GSDMD: variants seen among roughly 807,000 people sequenced by gnomAD.
The protein encoded by GSDMD is gasdermin-D.
In GSDMD, 46 loss-of-function variants were observed where a neutral mutation model predicts 46.7. That is an observed-to-expected ratio of 0.99 (90% CI 0.78 to 1.26). GSDMD has a LOEUF of 1.26. Ranked by LOEUF, GSDMD falls within the 50% of genes most tolerant of loss-of-function variation. The pLI is 0.00. For synonymous variants in GSDMD, 307 were observed against 283.1 expected (o/e 1.08, Z -0.85); for missense variants, 649 against 638.8 (o/e 1.02, Z -0.17).
At chr8:143,557,210 G>C (rs1346614196), upstream of GSDMD, among the ~76,000 whole-genome samples, 11 of 152,402 alleles carry the variant, frequency 7.2e-5, no homozygotes, top group Admixed American at 2.6e-4. Flanking sequence ...GCCGTTCTAC[G>C]GCCTGGATTC....
chr8:143,558,527 G>A, intron 1 of GSDMD, 76 bp downstream of exon 1: 8 of 1,312,438 alleles, frequency 6.1e-6, no homozygotes, highest in Non-Finnish European at 7.9e-6. Context: ...CCCGGGTGGG[G>A]GATGCTGGCC....
chr8:143,560,949 C>T (rs1246473339), intron 4 of GSDMD, 53 bp from the exon 5 acceptor site: 2 of 1,569,736 alleles, frequency 1.3e-6, no homozygotes, highest in South Asian at 2.2e-5. Context: ...CCCGCACCCG[C>T]ACCCCACGGC....
chr8:143,554,672 AAACACGCTC>A (rs937179973), upstream of GSDMD, among the ~76,000 whole-genome samples: 2 of 148,030 alleles, frequency 1.4e-5, no homozygotes, highest in Non-Finnish European at 3.0e-5. Flanking sequence ...ACACGTGCAC[AAACACGCTC>A]AACACGCACG....
At chr8:143,556,656 G>A (rs759302010), upstream of GSDMD, among the ~76,000 whole-genome samples, 16 of 151,952 alleles carry the variant, frequency 1.1e-4, no homozygotes, top group Admixed American at 2.6e-4. Context: ...GAGTGGGGCC[G>A]AAGCCCAAGT....
chr8:143,555,640 C>T (rs373372626), upstream of GSDMD, among the ~76,000 whole-genome samples: 2 of 152,322 alleles, frequency 1.3e-5, no homozygotes, highest in African/African-American at 2.4e-5. Flanking sequence ...CCAGCAGGGA[C>T]GGGCTGCCAC....
chr8:143,561,450 G>C (rs747900168), intron 6 of GSDMD, 27 bp downstream of exon 6: 1 of 1,602,874 alleles, frequency 6.2e-7, no homozygotes, highest in African/African-American at 1.3e-5. Context: ...CCCAGCATGG[G>C]GTGTCCGGTG....
upstream of GSDMD, chr8:143,553,616 C>T (rs1823249540): frequency 6.8e-6 from 1 of 147,052 alleles, no homozygotes; most frequent in Non-Finnish European, 1.5e-5. Flanking sequence ...GAATGGGGGC[C>T]GGAGCGATGG....
rs1276689028 is a variant in GSDMD, at chr8:143,559,808, C to T, written c.249C>T (p.Tyr83=). 3.1e-6 allele frequency: 5 copies of T among 1,608,052 alleles called. No homozygotes were observed. Among genetic ancestry groups the T allele is most frequent in the East Asian group, 2.2e-5 (1 of 44,862 alleles). Residue 83 remains tyrosine (Y), a synonymous_variant, in exon 3 of 11, where the codon TAC becomes TAT. Transcript: ENST00000262580. ...AGCGTGGCAGGAGCTTCCACTTCTA[C>T]GATGCCATGGATGGGCAGATACAGG... ...DVQRGRSFHF[Y]DAMDGQIQGS...
At chr8:143,559,280 T>TGCCCCCCCCCC in intron 1 of GSDMD, 52 bp from the exon 2 acceptor site, 1 of 579,430 alleles carries the variant, frequency 1.7e-6, no homozygotes. Flanking sequence ...CTTCTCCCAC[T>TGCCCCCCCCCC]CCCTCCCGCC....
chr8:143,561,385 C>A lies in GSDMD; in HGVS notation c.698C>A (p.Pro233Gln). The A allele has an allele frequency of 6.2e-7, 1 of 1,610,636 alleles. No individual in the cohort carries two copies. Among genetic ancestry groups the A allele is most frequent in the Non-Finnish European group, 8.5e-7 (1 of 1,179,042 alleles). Residue 233 changes from proline to glutamine, a missense_variant, in exon 6 of 11, where the codon CCG becomes CAG. Pro to Gln is a moderately conservative substitution (Grantham distance 76). Transcript: ENST00000262580. Reference sequence around the variant, plus strand: ...TGGCTGCCAGACGTCCTTCTCTTCCCGGATAAGAAGCAGAGGACCTTCCAG... The same window carrying A: ...TGGCTGCCAGACGTCCTTCTCTTCCAGGATAAGAAGCAGAGGACCTTCCAG... ...IDSDLDVLLF[P>Q]DKKQRTFQPP...
intron 1 of GSDMD, 52 bp from the exon 2 acceptor site, chr8:143,559,280 T>TGGGCCCCCC: frequency 5.2e-6 from 3 of 579,430 alleles, no homozygotes; most frequent in Non-Finnish European, 3.2e-6. Context: ...CTTCTCCCAC[T>TGGGCCCCCC]CCCTCCCGCC....
chr8:143,557,664 C>G (rs1246819007), upstream of GSDMD, among the ~76,000 whole-genome samples: 1 of 152,252 alleles, frequency 6.6e-6, no homozygotes, highest in Non-Finnish European at 1.5e-5. Flanking sequence ...GACATTCCCA[C>G]CAGCATTGCA....
upstream of GSDMD, among the ~76,000 whole-genome samples, chr8:143,556,718 C>G (rs116962724): frequency 2.0e-5 from 3 of 152,132 alleles, no homozygotes; most frequent in Non-Finnish European, 4.4e-5. Flanking sequence ...GGAGGACTAC[C>G]GTGTGCAGGG....
upstream of GSDMD, chr8:143,553,691 CG>C (rs1823250742): frequency 6.8e-6 from 1 of 146,990 alleles, no homozygotes; most frequent in Non-Finnish European, 1.5e-5. Flanking sequence ...ACTTCCCGTT[CG>C]GGGTGATGAT....
At chr8:143,558,291 CGGGCTCTCCGGGACGGTTCCGGGAGG>C, upstream of GSDMD, 1 of 1,467,730 alleles carries the variant, frequency 6.8e-7, no homozygotes, top group Non-Finnish European at 9.0e-7. Context: ...GGGGCCGGGG[CGGGCTCTCCGGGACGGTTCCGGGAGG>C]GCGTCCTGGG....
Position 143,561,362 on chromosome 8 carries a change from G to C in GSDMD, c.683-8G>C, listed in dbSNP as rs747041959. ...GCCTGTCCCTGTCTGCTCCCGTCTG[G>C]CTGCCAGACGTCCTTCTCTTCCCGG... On this transcript the variant is annotated splice_region_variant and splice_polypyrimidine_tract_variant and intron_variant, in intron 5 of 10. Coordinates refer to ENST00000262580, the MANE Select transcript of GSDMD (RefSeq NM_024736.7). The C allele has an allele frequency of 4.2e-5, 68 of 1,603,780 alleles. No homozygotes were observed. The highest frequency in any genetic ancestry group is 3.4e-4 in the South Asian group (30 of 89,480).
chr8:143,553,964 T>C (rs1823254367), upstream of GSDMD, among the ~76,000 whole-genome samples: 2 of 129,366 alleles, frequency 1.5e-5, 1 homozygote, highest in East Asian at 7.4e-4. Context: ...CCTGGGCTCT[T>C]CACACCCCTG....
chr8:143,558,420 G>GACGCGCCAC lies in GSDMD; in HGVS notation c.-35_-27dup. 1 of 1,507,144 alleles carries GACGCGCCAC rather than the reference G, an allele frequency of 6.6e-7. No homozygotes were observed. The highest frequency in any genetic ancestry group is 8.8e-7 in the Non-Finnish European group (1 of 1,134,556). 93.4% of individuals were successfully genotyped at this position (1,507,144 alleles called of 1,614,324 possible). On this transcript the variant is annotated 5_prime_UTR_variant, in exon 1 of 11. Coordinates refer to ENST00000262580, the MANE Select transcript of GSDMD (RefSeq NM_024736.7). ...GCTCCCAGGGAGAGCAGACGCGCCA[G>GACGCGCCAC]ACGCGCCACCCTCGGGGCGCCGACG...
chr8:143,562,721 C>G lies in GSDMD; in HGVS notation c.1272C>G (p.Pro424=). ...PWQERSTMSL[P]PGLLGNSWGE... is the part of the protein sequence containing the mutation. ...AGGAGCGCAGCACCATGTCCCTGCC[C>G]CCCGGGCTCCTGGGGAACAGCTGGG... The change falls in exon 11 of 11, where the codon CCC becomes CCG. Residue 424 remains proline, a synonymous_variant. Coordinates refer to ENST00000262580, the MANE Select transcript of GSDMD (RefSeq NM_024736.7). The G allele has an allele frequency of 6.3e-7, 1 of 1,592,974 alleles. No individual in the cohort carries two copies. The highest frequency in any genetic ancestry group is 8.5e-7 in the Non-Finnish European group (1 of 1,169,804).
Sources: gnomAD v4.1 joint callset for allele counts (sites outside exome capture counted in the v4.1 genomes callset) on GRCh38, gnomAD v4.1.1 for gene constraint, MANE v1.5 for transcripts, NCBI Gene and HGNC (gene_info 2026-07-23, HGNC 2026-07-21) for gene names.